Variants in RASSF4 observed in about 807,000 individuals in gnomAD.
RASSF4 encodes Ras association domain family member 4, also known as ras association domain-containing protein 4.
In RASSF4, 38 loss-of-function variants were observed where a neutral mutation model predicts 41.1. That is an observed-to-expected ratio of 0.92 (90% CI 0.71 to 1.21). RASSF4 has a LOEUF of 1.21. Ranked by LOEUF, RASSF4 falls within the 50% of genes most tolerant of loss-of-function variation. The pLI is 0.00. For synonymous variants in RASSF4, 179 were observed against 163.4 expected (o/e 1.10, Z -0.73); for missense variants, 414 against 419.4 (o/e 0.99, Z 0.11).
intron 1 of RASSF4, among the ~76,000 whole-genome samples, chr10:44,968,996 GTGTA>G (rs946926801): frequency 5.3e-5 from 8 of 151,090 alleles, no homozygotes; most frequent in Non-Finnish European, 1.0e-4. Flanking sequence ...GTGAGTGTTT[GTGTA>G]TGTGTGTGTG....
In RASSF4 at chr10:44,987,597, C is replaced by T. The variant is rs1371718645; in HGVS notation, c.532-1677C>T. 7.7e-4 allele frequency among the ~76,000 whole-genome samples: 112 copies of T among 145,724 alleles called. 2 individuals carry two copies. The highest frequency in any genetic ancestry group is 1.0e-4 in the Non-Finnish European group (7 of 66,794). ...TTTTTGCAAATGGAAGGTTGCTGTT[C>T]AGCAACCTTCCATTTGCAAAAATGT... On this transcript the variant is annotated intron_variant, in intron 6 of 10. Coordinates refer to ENST00000340258, the MANE Select transcript of RASSF4 (RefSeq NM_032023.4).
chr10:44,969,632 C>T (rs1564452671), intron 1 of RASSF4, among the ~76,000 whole-genome samples: 1 of 145,806 alleles, frequency 6.9e-6, no homozygotes, highest in Non-Finnish European at 1.6e-5. Flanking sequence ...TGGTGATACT[C>T]ACCTCACAAT....
At chr10:44,977,613 C>T in intron 3 of RASSF4, 3 of 1,613,282 alleles carry the variant, frequency 1.9e-6, no homozygotes, top group Non-Finnish European at 2.5e-6. Context: ...TTGCTGCTGT[C>T]CATCTGTCTA....
chr10:44,975,785 C>G (rs925274007), intron 3 of RASSF4, among the ~76,000 whole-genome samples: 2 of 151,480 alleles, frequency 1.3e-5, no homozygotes, highest in African/African-American at 4.9e-5. Flanking sequence ...ACCTCTTTCA[C>G]ACAGCTGGGT....
rs1307802860 is a variant in RASSF4 at position 44,989,727 on chromosome 10, T to G, written c.685+6T>G. The G allele has an allele frequency of 6.2e-7, 1 of 1,613,656 alleles. No homozygotes were observed. On this transcript the variant is annotated splice_donor_region_variant and intron_variant, in intron 8 of 10. Transcript: ENST00000340258. ...CATCGTTCACGAGTCTGGGGGTAAG[T>G]ACCTGCCCCACTTCTGGATCGTAAA...
chr10:44,984,142 CCCTG>C, intron 5 of RASSF4, 29 bp downstream of exon 5: 1 of 1,563,124 alleles, frequency 6.4e-7, no homozygotes, highest in Non-Finnish European at 8.7e-7. Flanking sequence ...CTGCCCAGAC[CCCTG>C]CCTCATCCGG....
At chr10:44,977,621 C>G in intron 3 of RASSF4, 1 of 1,613,002 alleles carries the variant, frequency 6.2e-7, no homozygotes, top group Non-Finnish European at 8.5e-7. Flanking sequence ...GTCCATCTGT[C>G]TATGTGGACC....
chr10:44,984,438 C>A, intron 5 of RASSF4: 1 of 491,792 alleles, frequency 2.0e-6, no homozygotes, highest in Non-Finnish European at 3.6e-6. Flanking sequence ...CCCTCTGCGA[C>A]CTCGTCCTCA....
At chr10:44,972,743 C>T (rs1381836043) in intron 3 of RASSF4, among the ~76,000 whole-genome samples, 4 of 152,236 alleles carry the variant, frequency 2.6e-5, no homozygotes, top group Admixed American at 6.5e-5. Context: ...CAAGTCTTAT[C>T]GTGGTGAGGC....
At chr10:44,982,788 C>T in intron 4 of RASSF4, 125 bp downstream of exon 4, 4 of 1,057,790 alleles carry the variant, frequency 3.8e-6, no homozygotes, top group Non-Finnish European at 5.6e-6. Flanking sequence ...GACCCAGCCT[C>T]ATCCCCATGC....
intron 6 of RASSF4, 23 bp downstream of exon 6, chr10:44,984,993 C>A (rs1841867264): frequency 1.9e-6 from 3 of 1,598,656 alleles, no homozygotes; most frequent in Non-Finnish European, 2.6e-6. Flanking sequence ...CCTGGCCTCT[C>A]CCCTGGGCGC....
chr10:44,990,424 G>C (rs1057130969), intron 8 of RASSF4: 2 of 155,868 alleles, frequency 1.3e-5, no homozygotes, highest in African/African-American at 4.8e-5. Context: ...ATTCACAAAA[G>C]AGCAGTAAGT....
intron 6 of RASSF4, among the ~76,000 whole-genome samples, chr10:44,987,067 A>G (rs1841945541): frequency 6.6e-6 from 1 of 152,182 alleles, no homozygotes; most frequent in South Asian, 2.1e-4. Context: ...TGTTAACAAG[A>G]CTTTTTGTCC....
At chr10:44,964,745 A>G (rs1425533949) in intron 1 of RASSF4, among the ~76,000 whole-genome samples, 1 of 152,210 alleles carries the variant, frequency 6.6e-6, no homozygotes, top group Non-Finnish European at 1.5e-5. Flanking sequence ...AAATAGAGAG[A>G]TGGCTCCCTT....
At chr10:44,976,857 T>A (rs1841450736) in intron 3 of RASSF4, 1 of 152,724 alleles carries the variant, frequency 6.5e-6, no homozygotes, top group South Asian at 2.1e-4. Flanking sequence ...AATACATTAG[T>A]GCATTTGCTA....
chr10:44,970,428 G>A (rs960020574), intron 2 of RASSF4, 164 bp downstream of exon 2: 6 of 610,454 alleles, frequency 9.8e-6, no homozygotes, highest in Admixed American at 2.9e-5. Flanking sequence ...GTCCAATAGG[G>A]GATCCCCAAG....
At chr10:44,981,253 A>T (rs959760419) in intron 3 of RASSF4, 5 of 152,162 alleles carry the variant, frequency 3.3e-5, no homozygotes, top group African/African-American at 1.2e-4. Flanking sequence ...TGATTCCCTT[A>T]TATAAGGAAT....
intron 8 of RASSF4, chr10:44,990,647 T>C: frequency 9.1e-6 from 2 of 220,430 alleles, no homozygotes. Context: ...GGGGCACACC[T>C]TGACAAATTT....
At chr10:44,992,607 T>A (rs574082550) in intron 10 of RASSF4, among the ~76,000 whole-genome samples, 52 of 152,100 alleles carry the variant, frequency 3.4e-4, no homozygotes, top group African/African-American at 1.2e-3. Context: ...CAAAGTGAAG[T>A]GTGGTCCAGG....
Sources: gnomAD v4.1 joint callset for allele counts (sites outside exome capture counted in the v4.1 genomes callset) on GRCh38, gnomAD v4.1.1 for gene constraint, MANE v1.5 for transcripts, NCBI Gene and HGNC (gene_info 2026-07-23, HGNC 2026-07-21) for gene names.